Variants in GTF2H3 observed in about 807,000 individuals in gnomAD.
GTF2H3 encodes the protein general transcription factor IIH subunit 3, also known as TFIIH basal transcription factor complex p34 subunit.
GTF2H3 carries 42 observed loss-of-function variants against 51.1 expected under a neutral mutation model. That is an observed-to-expected ratio of 0.82 (90% confidence interval 0.64 to 1.06). The LOEUF is 1.06. GTF2H3 is among the 50% of genes least tolerant of loss of function. The probability of loss-of-function intolerance (pLI) is 0.00; values close to 1 mark genes in which losing one functional copy is unlikely to be tolerated. For synonymous variants in GTF2H3, 123 were observed against 123.8 expected (o/e 0.99, Z 0.04); for missense variants, 326 against 366.1 (o/e 0.89, Z 0.89).
intron 1 of GTF2H3, among the ~76,000 whole-genome samples, chr12:123,634,843 G>A (rs187709760): frequency 7.2e-5 from 11 of 152,372 alleles, no homozygotes; most frequent in South Asian, 2.1e-4. Flanking sequence ...CTTATTGGCC[G>A]TGATAGAGAA....
At chr12:123,653,488 C>T (rs758301151) in intron 7 of GTF2H3, among the ~76,000 whole-genome samples, 6 of 152,008 alleles carry the variant, frequency 3.9e-5, no homozygotes, top group Non-Finnish European at 8.8e-5. Context: ...GGTGAAACCC[C>T]GTCTCTAGTA....
intron 2 of GTF2H3, among the ~76,000 whole-genome samples, chr12:123,640,876 G>A (rs2135781131): frequency 1.3e-5 from 2 of 152,238 alleles, no homozygotes; most frequent in South Asian, 4.1e-4. Flanking sequence ...TTACTATCTG[G>A]CCCTTCACAA....
intron 1 of GTF2H3, among the ~76,000 whole-genome samples, chr12:123,635,336 C>T (rs906849004): frequency 2.0e-5 from 3 of 152,050 alleles, no homozygotes; most frequent in Non-Finnish European, 4.4e-5. Context: ...TTTGGAAGGC[C>T]AAGGTGGGTG....
intron 2 of GTF2H3, among the ~76,000 whole-genome samples, chr12:123,642,210 G>A (rs764478771): frequency 2.7e-5 from 4 of 145,554 alleles, no homozygotes; most frequent in East Asian, 4.0e-4. Flanking sequence ...TAGTTTTGTC[G>A]CCCAGGCTGG....
intron 2 of GTF2H3, among the ~76,000 whole-genome samples, chr12:123,643,445 G>A (rs79877611): frequency 0.01 from 1,569 of 152,238 alleles, 31 homozygotes; most frequent in Admixed American, 0.049. Context: ...GAAAGGCTGC[G>A]TTTGCACTCA....
Position 123,633,832 on chromosome 12 carries a change from T to A in GTF2H3, c.-28T>A. ...TTGAGACGCTCCCCTGACCACCACTTGCTCTGCGCTGAGGTGCTGGGACAG... is the reference window on the plus strand; with the variant it reads ...TTGAGACGCTCCCCTGACCACCACTAGCTCTGCGCTGAGGTGCTGGGACAG... On this transcript the variant is annotated 5_prime_UTR_variant, in exon 1 of 13. Coordinates refer to ENST00000543341, the MANE Select transcript of GTF2H3 (RefSeq NM_001516.5). 1 of 1,612,296 alleles carries A rather than the reference T, an allele frequency of 6.2e-7. No homozygotes were observed. Among genetic ancestry groups the A allele is most frequent in the Non-Finnish European group, 8.5e-7 (1 of 1,179,934 alleles).
chr12:123,655,953 C>G, intron 9 of GTF2H3, 129 bp downstream of exon 9: 1 of 605,194 alleles, frequency 1.7e-6, no homozygotes, highest in Non-Finnish European at 2.9e-6. Flanking sequence ...CTAATTTTAT[C>G]TATGTCTTTC....
chr12:123,648,457 T>C (rs1955478946), intron 4 of GTF2H3: 1 of 168,920 alleles, frequency 5.9e-6, no homozygotes, highest in Admixed American at 6.3e-5. Context: ...ATTCGGCACA[T>C]GATTTTCATC....
intron 1 of GTF2H3, among the ~76,000 whole-genome samples, chr12:123,637,770 T>TG (rs112368099): frequency 2.0e-5 from 3 of 152,120 alleles, no homozygotes; most frequent in Non-Finnish European, 4.4e-5. Flanking sequence ...CCCAAAGGGC[T>TG]GGGATGGGCG....
intron 4 of GTF2H3, 69 bp downstream of exon 4, chr12:123,648,195 C>A: frequency 1.9e-6 from 2 of 1,034,422 alleles, no homozygotes; most frequent in South Asian, 1.6e-5. Context: ...GCTTTAAGTT[C>A]AAAGATGTGA....
chr12:123,638,183 A>G (rs1593792612), intron 1 of GTF2H3, among the ~76,000 whole-genome samples: 1 of 149,106 alleles, frequency 6.7e-6, no homozygotes, highest in African/African-American at 2.5e-5. Context: ...CCCCGAGATG[A>G]AGTCTTGCTC....
intron 4 of GTF2H3, among the ~76,000 whole-genome samples, chr12:123,648,834 TA>T (rs1955484595): frequency 6.6e-6 from 1 of 152,250 alleles, no homozygotes; most frequent in Non-Finnish European, 1.5e-5. Flanking sequence ...TTAAAATTTT[TA>T]TAGGGACGGG....
At chr12:123,654,031 C>T (rs1347808716) in intron 7 of GTF2H3, among the ~76,000 whole-genome samples, 1 of 152,044 alleles carries the variant, frequency 6.6e-6, no homozygotes, top group Non-Finnish European at 1.5e-5. Context: ...TATTTTTTCC[C>T]ACATATATTG....
At chr12:123,658,265 C>G (rs1221673203) in intron 9 of GTF2H3, among the ~76,000 whole-genome samples, 1 of 151,918 alleles carries the variant, frequency 6.6e-6, no homozygotes, top group Non-Finnish European at 1.5e-5. Flanking sequence ...GTTGCCCAGG[C>G]TGGAGTGCAA....
intron 3 of GTF2H3, among the ~76,000 whole-genome samples, chr12:123,646,296 A>T (rs201230414): frequency 7.1e-6 from 1 of 140,442 alleles, no homozygotes. Flanking sequence ...TTGCTCTGTC[A>T]CCCAGGCTAG....
At chr12:123,654,727 GT>G (rs11572981) in intron 7 of GTF2H3, among the ~76,000 whole-genome samples, 196 bp from the exon 8 acceptor site, 1 of 152,070 alleles carries the variant, frequency 6.6e-6, no homozygotes, top group African/African-American at 2.4e-5. Flanking sequence ...TCCAGAATGA[GT>G]TCATCAAACC....
At chr12:123,649,744 T>G (rs1955496695) in intron 4 of GTF2H3, 1 of 152,192 alleles carries the variant, frequency 6.6e-6, no homozygotes, top group Admixed American at 6.6e-5. Context: ...GGGCAGAGAC[T>G]GGGGAGTGAT....
chr12:123,656,836 C>T (rs11572992), intron 9 of GTF2H3, among the ~76,000 whole-genome samples: 8,759 of 152,258 alleles, frequency 0.058, 492 homozygotes, highest in African/African-American at 0.14. Flanking sequence ...CCTATAATCT[C>T]AGCACTTGGG....
chr12:123,637,966 C>T (rs1297360938), intron 1 of GTF2H3, among the ~76,000 whole-genome samples: 1 of 151,858 alleles, frequency 6.6e-6, no homozygotes, highest in Non-Finnish European at 1.5e-5. Context: ...ACCAGGCATT[C>T]AGAATGCAGT....
Sources: allele counts gnomAD v4.1 joint callset (sites outside exome capture counted in the v4.1 genomes callset), GRCh38; gene constraint gnomAD v4.1.1; transcripts MANE v1.5; gene names NCBI Gene and HGNC (gene_info 2026-07-23, HGNC 2026-07-21).